MAP4K5: variants seen among roughly 807,000 people sequenced by gnomAD.
The protein encoded by MAP4K5 is MAPK/ERK kinase kinase kinase 5.
Under a neutral mutation model 135.6 loss-of-function variants are expected in MAP4K5, and 82 were observed. The observed-to-expected ratio is 0.60, with a 90% CI of 0.51 to 0.73. The LOEUF is 0.73. Among genes scored for constraint, MAP4K5 ranks in the 30% least tolerant of loss-of-function variants. MAP4K5 has a pLI of 0.00. For synonymous variants in MAP4K5, 347 were observed against 335.0 expected (o/e 1.04, Z -0.39); for missense variants, 907 against 1,010.9 (o/e 0.90, Z 1.39).
At chr14:50,489,097 T>C (rs1441328852) in intron 3 of MAP4K5, among the ~76,000 whole-genome samples, 1 of 152,212 alleles carries the variant, frequency 6.6e-6, no homozygotes, top group Non-Finnish European at 1.5e-5. Context: ...CACTGAGATG[T>C]GGCATAAAAT....
In MAP4K5 at chr14:50,443,771, C is replaced by G; in HGVS notation, c.1438-1G>C. On this transcript the variant is annotated splice_acceptor_variant, in intron 19 of 32. Coordinates refer to ENST00000682126, the MANE Select transcript of MAP4K5 (RefSeq NM_006575.6). LOFTEE classifies it high-confidence loss of function. ...GTGGAAGGCCATTGATGGCTGGTTT[C>G]TATGGGAAAAATAAAATTTACTAGT... is the stretch of plus-strand genomic sequence containing the variant. 6.3e-7 allele frequency: 1 copy of G among 1,597,636 alleles called. No individual in the cohort carries two copies. Among genetic ancestry groups the G allele is most frequent in the Non-Finnish European group, 8.5e-7 (1 of 1,175,136 alleles).
chr14:50,439,003 T>G (rs1032152172), intron 23 of MAP4K5, among the ~76,000 whole-genome samples: 1 of 152,064 alleles, frequency 6.6e-6, no homozygotes, highest in African/African-American at 2.4e-5. Flanking sequence ...AGAATTGGCT[T>G]TATTTTCATA....
In MAP4K5 at chr14:50,445,019, C is replaced by T. The variant is rs767082727; in HGVS notation, c.1339+22G>A. 2.5e-6 allele frequency: 4 copies of T among 1,607,374 alleles called. No individual in the cohort carries two copies. In the East Asian group the frequency reaches 6.7e-5, roughly 27 times the overall value. On this transcript the variant is annotated intron_variant, in intron 18 of 32. Transcript: ENST00000682126. The stretch of plus-strand genomic sequence containing the variant: ...ATATCTAGCCATATGTACCCCATGG[C>T]TGCTAATAATGCTAGCCATACCAAT...
At chr14:50,519,169 AGTT>A (rs35316796) in intron 2 of MAP4K5, among the ~76,000 whole-genome samples, 5,033 of 152,080 alleles carry the variant, frequency 0.033, 263 homozygotes, top group African/African-American at 0.11. Context: ...ACTGACAAAA[AGTT>A]GTTATATATT....
At chr14:50,556,287 C>A (rs2038764637) in intron 1 of MAP4K5, among the ~76,000 whole-genome samples, 1 of 152,124 alleles carries the variant, frequency 6.6e-6, no homozygotes, top group Admixed American at 6.5e-5. Context: ...TGAAGTGCAG[C>A]GGCCTGAATC....
chr14:50,540,943 C>T (rs949601510), intron 2 of MAP4K5, among the ~76,000 whole-genome samples: 1 of 152,178 alleles, frequency 6.6e-6, no homozygotes, highest in African/African-American at 2.4e-5. Flanking sequence ...TTGGCTTGTG[C>T]AATAGCCAAA....
At chr14:50,484,759 T>C (rs2037327631) in intron 5 of MAP4K5, among the ~76,000 whole-genome samples, 1 of 152,204 alleles carries the variant, frequency 6.6e-6, no homozygotes, top group African/African-American at 2.4e-5. Flanking sequence ...AACCTATTAT[T>C]TGAAGTGAAA....
At chr14:50,539,541 C>G (rs956624007) in intron 2 of MAP4K5, among the ~76,000 whole-genome samples, 2 of 152,152 alleles carry the variant, frequency 1.3e-5, no homozygotes, top group Non-Finnish European at 2.9e-5. Context: ...AACGTGAGAC[C>G]CAGTTCTGTT....
At chr14:50,511,963 A>T (rs1441407960) in intron 2 of MAP4K5, among the ~76,000 whole-genome samples, 1 of 152,100 alleles carries the variant, frequency 6.6e-6, no homozygotes, top group African/African-American at 2.4e-5. Flanking sequence ...TGAAATGGTA[A>T]TGATAGACAC....
intron 6 of MAP4K5, among the ~76,000 whole-genome samples, chr14:50,480,542 G>C (rs1233334073): frequency 6.6e-6 from 1 of 151,832 alleles, no homozygotes; most frequent in Non-Finnish European, 1.5e-5. Context: ...CCACAAATAA[G>C]TAAGAACATG....
At chr14:50,492,416 A>G (rs2037503236) in intron 3 of MAP4K5, among the ~76,000 whole-genome samples, 1 of 151,568 alleles carries the variant, frequency 6.6e-6, no homozygotes, top group Admixed American at 6.6e-5. Context: ...ACATAGCAAG[A>G]CTCTGTCTCC....
chr14:50,502,787 G>A (rs2037734258), intron 3 of MAP4K5, among the ~76,000 whole-genome samples: 1 of 152,098 alleles, frequency 6.6e-6, no homozygotes, highest in Admixed American at 6.6e-5. Flanking sequence ...TGGAAATTTA[G>A]TTTATGACAA....
chr14:50,443,281 G>A (rs1403821808), intron 20 of MAP4K5, among the ~76,000 whole-genome samples: 1 of 152,092 alleles, frequency 6.6e-6, no homozygotes, highest in Non-Finnish European at 1.5e-5. Flanking sequence ...CCATTCATAC[G>A]ATTGGTTCCC....
At chr14:50,459,351 C>T (rs945531847) in intron 13 of MAP4K5, among the ~76,000 whole-genome samples, 1 of 152,146 alleles carries the variant, frequency 6.6e-6, no homozygotes, top group East Asian at 1.9e-4. Flanking sequence ...TCCTTACCTT[C>T]ATGTCTTCAT....
intron 16 of MAP4K5, among the ~76,000 whole-genome samples, chr14:50,446,598 C>A (rs928857781): frequency 1.6e-4 from 25 of 152,156 alleles, no homozygotes; most frequent in African/African-American, 5.8e-4. Flanking sequence ...TTATCTAGTC[C>A]ACTGGTCCCA....
chr14:50,532,028 C>T lies in MAP4K5; in HGVS notation c.22G>A (p.Ala8Thr). 2.5e-6 allele frequency: 4 copies of T among 1,580,132 alleles called. No homozygotes were observed. The highest frequency in any genetic ancestry group is 3.4e-6 in the Non-Finnish European group (4 of 1,161,994). The change falls in exon 2 of 33, where the codon GCC becomes ACC. Residue 8 changes from alanine (A) to threonine (T), a missense_variant. Transcript: ENST00000682126. MEAPLRP[A>T]ADILRRNPQQ... ...GGGTTCCGCCTCAGGATGTCCGCGG[C>T]AGGCCGCAGCGGGGCCTCCATCTTC... is the stretch of plus-strand genomic sequence containing the variant.
At chr14:50,461,026 T>C (rs924573834) in intron 13 of MAP4K5, among the ~76,000 whole-genome samples, 1 of 152,152 alleles carries the variant, frequency 6.6e-6, no homozygotes, top group Admixed American at 6.6e-5. Context: ...GTTACTATAA[T>C]ATTTATTTAT....
At chr14:50,477,664 T>C (rs1318846444) in intron 6 of MAP4K5, among the ~76,000 whole-genome samples, 28 of 152,038 alleles carry the variant, frequency 1.8e-4, no homozygotes, top group Admixed American at 1.8e-3. Flanking sequence ...CCTACCATGT[T>C]CAGAACTTTT....
chr14:50,440,523 G>A, intron 21 of MAP4K5, 82 bp from the exon 22 acceptor site: 1 of 687,978 alleles, frequency 1.5e-6, no homozygotes, highest in Middle Eastern at 2.9e-4. Flanking sequence ...ACATTGTAAT[G>A]GCATCAAGAA....
Sources: allele counts gnomAD v4.1 joint callset (sites outside exome capture counted in the v4.1 genomes callset), GRCh38; gene constraint gnomAD v4.1.1; transcripts MANE v1.5; gene names NCBI Gene and HGNC (gene_info 2026-07-23, HGNC 2026-07-21).